Variants in TRABD2A observed in about 807,000 individuals in gnomAD.
TRABD2A encodes the protein metalloprotease TIKI1.
In TRABD2A, 43 loss-of-function variants were observed where a neutral mutation model predicts 45.6. That is an observed-to-expected ratio of 0.94 (90% confidence interval 0.74 to 1.22). The LOEUF (loss-of-function observed/expected upper bound fraction) is 1.22. Among genes scored for constraint, TRABD2A ranks in the 50% most tolerant of loss-of-function variants. The pLI is 0.00. For synonymous variants in TRABD2A, 269 were observed against 265.0 expected (o/e 1.02, Z -0.15); for missense variants, 642 against 652.4 (o/e 0.98, Z 0.17).
At chr2:84,839,939 G>C (rs141714001) in intron 3 of TRABD2A, among the ~76,000 whole-genome samples, 1 of 152,254 alleles carries the variant, frequency 6.6e-6, no homozygotes, top group African/African-American at 2.4e-5. Flanking sequence ...GACAATCAGC[G>C]TGGTTCTTGC....
In TRABD2A at chr2:84,826,482, G is replaced by A. The variant is rs376234624; in HGVS notation, c.1083-2278C>T. Among the ~76,000 whole-genome samples the A allele has an allele frequency of 4.5e-4, 69 of 152,306 alleles. 1 individual carries two copies. Among genetic ancestry groups the A allele is most frequent in the African/African-American group, 1.6e-3 (66 of 41,562 alleles). On this transcript the variant is annotated intron_variant, in intron 5 of 6. Coordinates refer to ENST00000409520, the MANE Select transcript of TRABD2A (RefSeq NM_001277053.2). ...TTACAATTAAGGAAACTGAAGACCA[G>A]GGGGAGGAAACTGACCTGCACAAGG... is the stretch of plus-strand genomic sequence containing the variant.
chr2:84,878,571 T>C (rs941978090), intron 1 of TRABD2A, among the ~76,000 whole-genome samples: 3 of 149,384 alleles, frequency 2.0e-5, no homozygotes, highest in Non-Finnish European at 4.4e-5. Flanking sequence ...GAAAGAACAC[T>C]AAGAGTTCTG....
chr2:84,870,784 T>G lies in TRABD2A; in HGVS notation c.110A>C (p.Gln37Pro). The change falls in exon 2 of 7, where the codon CAA becomes CCA. Residue 37 changes from glutamine to proline, a missense_variant and splice_region_variant. Physicochemically the swap from Gln to Pro is moderately conservative, Grantham distance 76. Coordinates refer to ENST00000409520, the MANE Select transcript of TRABD2A (RefSeq NM_001277053.2). The stretch of plus-strand genomic sequence containing the variant: ...CCACAAGAAGGAATTCAGCTCGCTT[T>G]GCTGAAAAGAAAAGAGGTAACATCA... ...GTANCELKPQ[Q>P]SELNSFLWTI... 1 of 1,569,758 alleles carries G rather than the reference T, an allele frequency of 6.4e-7. No individual in the cohort carries two copies. The highest frequency in any genetic ancestry group is 8.6e-7 in the Non-Finnish European group (1 of 1,156,644).
Position 84,878,075 on chromosome 2 carries a change from G to A in TRABD2A, c.108+2857C>T, listed in dbSNP as rs556208331. ...CTATAAATAAAAATAAAGCAGGGAA[G>A]GCAGATGGTAGTGGTGGCAGCAGTT... On this transcript the variant is annotated intron_variant, in intron 1 of 6. Transcript: ENST00000409520. Among the ~76,000 whole-genome samples, 4 of 152,304 alleles carry A rather than the reference G, an allele frequency of 2.6e-5. No individual in the cohort carries two copies. In the South Asian group the frequency reaches 8.3e-4, roughly 32 times the overall value.
At position 84,832,084 on chromosome 2, in the gene TRABD2A, T is replaced by C. The variant is rs1450414060; in HGVS notation, c.1053A>G (p.Glu351=). The C allele has an allele frequency of 6.2e-7, 1 of 1,613,972 alleles. No homozygotes were observed. The highest frequency in any genetic ancestry group is 1.1e-5 in the South Asian group (1 of 91,076). The change falls in exon 5 of 7, where the codon GAA becomes GAG. Residue 351 remains glutamate (E), a synonymous_variant. Coordinates refer to ENST00000409520, the MANE Select transcript of TRABD2A (RefSeq NM_001277053.2). ...DVLRREGYEV[E]HAPAGRPIHK... ...GGATGGGTCGTCCAGCAGGGGCGTGTTCTACCTCATAGCCTTCACGCCGCA... is the reference window on the plus strand; with the variant it reads ...GGATGGGTCGTCCAGCAGGGGCGTGCTCTACCTCATAGCCTTCACGCCGCA...
intron 2 of TRABD2A, among the ~76,000 whole-genome samples, chr2:84,864,645 T>A (rs535198878): frequency 9.1e-4 from 138 of 152,182 alleles, no homozygotes; most frequent in African/African-American, 3.2e-3. Context: ...CAGGAAACCA[T>A]CCCCAGTGAC....
At chr2:84,823,394 A>C (rs575655517) in intron 6 of TRABD2A, among the ~76,000 whole-genome samples, 13 of 152,300 alleles carry the variant, frequency 8.5e-5, no homozygotes, top group African/African-American at 2.6e-4. Flanking sequence ...GGAGGGACTC[A>C]ATAAGGCTGA....
chr2:84,880,841 G>C, intron 1 of TRABD2A, 91 bp downstream of exon 1: 1 of 1,526,942 alleles, frequency 6.5e-7, no homozygotes, highest in Non-Finnish European at 8.8e-7. Context: ...TCGGCTCGGG[G>C]TCCGAAAGCG....
At chr2:84,872,758 T>C (rs962710762) in intron 1 of TRABD2A, among the ~76,000 whole-genome samples, 3 of 152,234 alleles carry the variant, frequency 2.0e-5, no homozygotes, top group African/African-American at 7.2e-5. Context: ...GTTAAGTTCT[T>C]GTTCATAACA....
chr2:84,872,941 C>T (rs1179878557), intron 1 of TRABD2A, among the ~76,000 whole-genome samples: 1 of 151,768 alleles, frequency 6.6e-6, no homozygotes, highest in Non-Finnish European at 1.5e-5. Context: ...ATGGTGAAAC[C>T]GTGTCTCTAC....
At chr2:84,829,871 C>T (rs1010814888) in intron 5 of TRABD2A, among the ~76,000 whole-genome samples, 2 of 150,326 alleles carry the variant, frequency 1.3e-5, no homozygotes, top group African/African-American at 2.5e-5. Context: ...CATACACATG[C>T]ACACTACACA....
At chr2:84,845,906 G>A (rs569429804) in intron 2 of TRABD2A, among the ~76,000 whole-genome samples, 29 of 152,242 alleles carry the variant, frequency 1.9e-4, no homozygotes, top group Admixed American at 1.2e-3. Flanking sequence ...GAAAAAGGGG[G>A]CATTTTTCAA....
chr2:84,881,077 GA>G lies in TRABD2A; in HGVS notation c.-39del. On this transcript the variant is annotated 5_prime_UTR_variant, in exon 1 of 7. Coordinates refer to ENST00000409520, the MANE Select transcript of TRABD2A (RefSeq NM_001277053.2). ...GGCTCCGAGGCCCGGAACGCGGAGG[GA>G]AGGAGTAGGGCAGAGGTGGCCGCCC... The G allele has an allele frequency of 6.5e-7, 1 of 1,545,582 alleles. No individual in the cohort carries two copies. Among genetic ancestry groups the G allele is most frequent in the Non-Finnish European group, 8.7e-7 (1 of 1,147,252 alleles).
At chr2:84,834,075 C>G (rs1681423928) in intron 4 of TRABD2A, 3 of 152,128 alleles carry the variant, frequency 2.0e-5, no homozygotes, top group Admixed American at 2.0e-4. Context: ...CAGAAGCCCA[C>G]ACTCCAGCAC....
chr2:84,837,142 C>T (rs11126977), intron 4 of TRABD2A: 20,540 of 151,608 alleles, frequency 0.14, 1,496 homozygotes, highest in Non-Finnish European at 0.16. Context: ...TACAGGTGTG[C>T]GCCACAACGC....
At chr2:84,877,472 GCT>G (rs1559101177) in intron 1 of TRABD2A, among the ~76,000 whole-genome samples, 2 of 152,206 alleles carry the variant, frequency 1.3e-5, no homozygotes, top group African/African-American at 4.8e-5. Context: ...GGGCATGGTG[GCT>G]CATGCCTGTA....
intron 2 of TRABD2A, among the ~76,000 whole-genome samples, chr2:84,862,978 A>G (rs1046670423): frequency 6.6e-6 from 1 of 152,198 alleles, no homozygotes; most frequent in Admixed American, 6.5e-5. Flanking sequence ...CGAGAGAGCT[A>G]AGAACCCACC....
chr2:84,836,993 T>TG (rs1209888405), intron 4 of TRABD2A: 1 of 139,462 alleles, frequency 7.2e-6, no homozygotes, highest in Non-Finnish European at 1.5e-5. Context: ...AGGGTTTTTT[T>TG]TTTTTTTTTT....
At chr2:84,838,954 G>T in intron 4 of TRABD2A, 195 bp downstream of exon 4, 1 of 586,404 alleles carries the variant, frequency 1.7e-6, no homozygotes. Context: ...AGCTCATCCA[G>T]CAACATTTCA....
Sources: allele counts gnomAD v4.1 joint callset (sites outside exome capture counted in the v4.1 genomes callset), GRCh38; gene constraint gnomAD v4.1.1; transcripts MANE v1.5; gene names NCBI Gene and HGNC (gene_info 2026-07-23, HGNC 2026-07-21).